SFI1: variants seen among roughly 807,000 people sequenced by gnomAD.
SFI1 encodes protein SFI1 homolog.
In SFI1, 195 loss-of-function variants were observed where a neutral mutation model predicts 207.5. The observed-to-expected ratio is 0.94, with a 90% CI of 0.84 to 1.06. The LOEUF (loss-of-function observed/expected upper bound fraction) is 1.06, where lower values mean the gene tolerates loss of function less well. Ranked by LOEUF, SFI1 falls within the 50% of genes least tolerant of loss-of-function variation. The pLI, the probability that SFI1 is intolerant of heterozygous loss-of-function variation, is 0.00. For synonymous variants in SFI1, 630 were observed against 598.9 expected (o/e 1.05, Z -0.76); for missense variants, 1,634 against 1,588.0 (o/e 1.03, Z -0.49).
chr22:31,563,707 T>C (rs1273364939), intron 8 of SFI1, among the ~76,000 whole-genome samples: 1 of 152,146 alleles, frequency 6.6e-6, no homozygotes, highest in Non-Finnish European at 1.5e-5. Context: ...TGCCTCAGCC[T>C]CCCAAGTAGC....
In SFI1 at chr22:31,608,038, G is replaced by A. The variant is rs1342695859; in HGVS notation, c.2254+5G>A. The A allele has an allele frequency of 6.2e-7, 1 of 1,613,400 alleles. No homozygotes were observed. Among genetic ancestry groups the A allele is most frequent in the Non-Finnish European group, 8.5e-7 (1 of 1,179,532 alleles). The stretch of plus-strand genomic sequence containing the variant: ...CCCAGAAGGTGCTGGACAGGGGTAA[G>A]TGGGGCCCCAGAAGCAAGTCATGTT... On this transcript the variant is annotated splice_donor_5th_base_variant and intron_variant, in intron 22 of 32. Transcript: ENST00000400288.
rs374116215 is a variant in SFI1 at position 31,604,835 on chromosome 22, C to G, written c.1978-34C>G. ...GCCTAAACAGGGGGAAGTGTGGGCC[C>G]AAGAGCAGCCTCAGTCTTCCTTGTC... On this transcript the variant is annotated intron_variant, in intron 19 of 32. Coordinates refer to ENST00000400288, the MANE Select transcript of SFI1 (RefSeq NM_001007467.3). The G allele has an allele frequency of 8.3e-5, 133 of 1,595,430 alleles. No homozygotes were observed. In the African/African-American group the frequency reaches 1.6e-3, roughly 19 times the overall value.
chr22:31,613,025 G>C (rs1052093585), intron 24 of SFI1, 117 bp from the exon 25 acceptor site: 37 of 1,057,516 alleles, frequency 3.5e-5, no homozygotes, highest in Non-Finnish European at 4.8e-5. Flanking sequence ...CCTAGTGGAG[G>C]AAGTGGGAGC....
chr22:31,581,634 A>C (rs915949283), intron 12 of SFI1, among the ~76,000 whole-genome samples: 13 of 151,880 alleles, frequency 8.6e-5, no homozygotes, highest in Non-Finnish European at 1.9e-4. Context: ...AAGTCTATTC[A>C]CTTCCATTGT....
Position 31,589,540 on chromosome 22 carries a change from G to C in SFI1, c.1507G>C (p.Glu503Gln), listed in dbSNP as rs760709024. ...WNRLWRWRHQ[E>Q]NVLSARATRF... ...CAGACTCTGGCGATGGCGCCACCAG[G>C]AAAATGTCCTCAGTGCAAGAGCAAC... Residue 503 changes from glutamate to glutamine, a missense_variant, in exon 15 of 33, where the codon GAA (glutamate) becomes CAA (glutamine). By Grantham distance (29) the Glu-to-Gln change is conservative. Coordinates refer to ENST00000400288, the MANE Select transcript of SFI1 (RefSeq NM_001007467.3). The C allele has an allele frequency of 6.2e-7, 1 of 1,614,054 alleles. No homozygotes were observed. Among genetic ancestry groups the C allele is most frequent in the Non-Finnish European group, 8.5e-7 (1 of 1,180,020 alleles).
chr22:31,614,518 TG>T (rs751922095), intron 27 of SFI1: 14 of 643,818 alleles, frequency 2.2e-5, no homozygotes, highest in South Asian at 2.1e-4. Context: ...CCCTGTGACA[TG>T]GACCCTGGCG....
chr22:31,548,279 T>C (rs966244513), intron 5 of SFI1, among the ~76,000 whole-genome samples: 9 of 151,082 alleles, frequency 6.0e-5, no homozygotes, highest in African/African-American at 2.2e-4. Flanking sequence ...GGAGAAAATA[T>C]ATGGGGAAGG....
At chr22:31,598,749 A>G (rs1603298047) in intron 15 of SFI1, among the ~76,000 whole-genome samples, 1 of 38,712 alleles carries the variant, frequency 2.6e-5, no homozygotes, top group Admixed American at 3.6e-4. Flanking sequence ...TGATGAGCAG[A>G]AGTGTTTGAA....
intron 3 of SFI1, among the ~76,000 whole-genome samples, chr22:31,530,203 A>AAAAAAAAAAT (rs1569227870): frequency 1.1e-4 from 14 of 127,810 alleles, no homozygotes; most frequent in African/African-American, 3.0e-4. Context: ...AAAAAAAAAA[A>AAAAAAAAAAT]GACAAGGCCG....
chr22:31,597,328 C>T (rs1295401043), intron 15 of SFI1, among the ~76,000 whole-genome samples: 4 of 152,178 alleles, frequency 2.6e-5, no homozygotes, highest in Admixed American at 6.5e-5. Context: ...GCTTGCAGGA[C>T]GGTGTAGGCC....
intron 21 of SFI1, among the ~76,000 whole-genome samples, chr22:31,607,272 A>G (rs1318701115): frequency 6.6e-6 from 1 of 152,104 alleles, no homozygotes; most frequent in Non-Finnish European, 1.5e-5. Flanking sequence ...CACTCATACA[A>G]AAGAATGTAT....
chr22:31,564,675 T>A (rs568101270), intron 8 of SFI1, among the ~76,000 whole-genome samples: 9 of 148,516 alleles, frequency 6.1e-5, no homozygotes, highest in South Asian at 2.1e-4. Flanking sequence ...TGGCTAATAT[T>A]TTTTTTTTTT....
chr22:31,500,731 A>G (rs1169281027), intron 1 of SFI1, among the ~76,000 whole-genome samples: 5 of 152,046 alleles, frequency 3.3e-5, no homozygotes, highest in Admixed American at 2.6e-4. Flanking sequence ...TGCTGGGATT[A>G]CAGGCGTGAG....
chr22:31,550,185 A>T, intron 5 of SFI1, 69 bp from the exon 6 acceptor site: 1 of 1,223,472 alleles, frequency 8.2e-7, no homozygotes, highest in Non-Finnish European at 1.2e-6. Context: ...TGCTAGGGTT[A>T]CAGGTGTGAG....
At chr22:31,543,791 C>G (rs1203212302) in intron 4 of SFI1, among the ~76,000 whole-genome samples, 1 of 109,260 alleles carries the variant, frequency 9.2e-6, no homozygotes, top group Non-Finnish European at 1.8e-5. Flanking sequence ...GCCTGGGCGA[C>G]AAAGCGAGAC....
chr22:31,589,631 G>T, intron 15 of SFI1, 54 bp downstream of exon 15: 2 of 1,564,386 alleles, frequency 1.3e-6, no homozygotes, highest in South Asian at 1.2e-5. Context: ...ATCTAACTCT[G>T]ACAACCACAC....
chr22:31,529,214 C>T (rs939371642), intron 3 of SFI1: 1 of 216,930 alleles, frequency 4.6e-6, no homozygotes, highest in South Asian at 1.1e-4. Flanking sequence ...ACTTCTGCTA[C>T]TCTCGATTAG....
At chr22:31,543,258 A>T (rs1190728545) in intron 4 of SFI1, among the ~76,000 whole-genome samples, 1 of 151,914 alleles carries the variant, frequency 6.6e-6, no homozygotes, top group Non-Finnish European at 1.5e-5. Flanking sequence ...GCGTGACCTA[A>T]TTTTTTTAAA....
chr22:31,536,908 TA>T (rs778638706), intron 4 of SFI1, among the ~76,000 whole-genome samples: 11 of 150,884 alleles, frequency 7.3e-5, no homozygotes, highest in South Asian at 6.3e-4. Context: ...TTTTTTTTTT[TA>T]AAATTAACTT....
Sources: allele counts gnomAD v4.1 joint callset (sites outside exome capture counted in the v4.1 genomes callset), GRCh38; gene constraint gnomAD v4.1.1; transcripts MANE v1.5; gene names NCBI Gene and HGNC (gene_info 2026-07-23, HGNC 2026-07-21).